RCSD1: variants seen among roughly 807,000 people sequenced by gnomAD.
RCSD1 encodes the protein RCSD domain containing 1, also known as capZ-interacting protein.
Under a neutral mutation model 42.5 loss-of-function variants are expected in RCSD1, and 26 were observed. The ratio of observed to expected loss-of-function variants is 0.61; its 90% CI spans 0.45 to 0.85. The LOEUF is 0.85. Ranked by LOEUF, RCSD1 falls within the 40% of genes least tolerant of loss-of-function variation. The probability of loss-of-function intolerance (pLI) is 0.00; values close to 1 mark genes in which losing one functional copy is unlikely to be tolerated. For synonymous variants in RCSD1, 220 were observed against 212.2 expected, an observed-to-expected ratio of 1.04 and a Z score of -0.32; for missense variants, 571 against 528.3, an observed-to-expected ratio of 1.08 and a Z score of -0.79.
chr1:167,682,291 TC>T (rs1428696929), intron 1 of RCSD1, among the ~76,000 whole-genome samples: 1 of 151,824 alleles, frequency 6.6e-6, no homozygotes, highest in African/African-American at 2.4e-5. Flanking sequence ...TGCCTCAGCC[TC>T]CCAAGTAACT....
At chr1:167,669,315 G>C (rs1658745773) in intron 1 of RCSD1, among the ~76,000 whole-genome samples, 1 of 152,214 alleles carries the variant, frequency 6.6e-6, no homozygotes, top group African/African-American at 2.4e-5. Context: ...CTAGCTTCCT[G>C]CTCTGCCATT....
At chr1:167,651,459 G>A (rs764809073) in intron 1 of RCSD1, among the ~76,000 whole-genome samples, 8 of 152,234 alleles carry the variant, frequency 5.3e-5, no homozygotes, top group South Asian at 2.1e-4. Context: ...TGCATTCTGC[G>A]CTGGCACTGT....
At chr1:167,694,819 A>C (rs1287729321) in intron 5 of RCSD1, among the ~76,000 whole-genome samples, 1 of 152,144 alleles carries the variant, frequency 6.6e-6, no homozygotes, top group Non-Finnish European at 1.5e-5. Flanking sequence ...TCCCTTTGCA[A>C]AAATGACATG....
intron 1 of RCSD1, among the ~76,000 whole-genome samples, chr1:167,631,775 A>G (rs1351133668): frequency 6.6e-6 from 1 of 152,178 alleles, no homozygotes; most frequent in Non-Finnish European, 1.5e-5. Flanking sequence ...CATGAGCCAC[A>G]CCACTCCTGG....
At chr1:167,701,316 C>CTTTCT (rs1659639184) in intron 6 of RCSD1, among the ~76,000 whole-genome samples, 1 of 130,864 alleles carries the variant, frequency 7.6e-6, no homozygotes, top group South Asian at 2.4e-4. Flanking sequence ...TTCTTTCTTT[C>CTTTCT]TTTTTTTTAG....
chr1:167,650,665 T>C (rs1206509730), intron 1 of RCSD1, among the ~76,000 whole-genome samples: 1 of 152,198 alleles, frequency 6.6e-6, no homozygotes, highest in Non-Finnish European at 1.5e-5. Flanking sequence ...GACTGCCCTC[T>C]CTCTGGTTAA....
intron 1 of RCSD1, among the ~76,000 whole-genome samples, chr1:167,661,796 G>A (rs1335372062): frequency 5.3e-5 from 8 of 152,250 alleles, no homozygotes; most frequent in African/African-American, 1.9e-4. Context: ...TTTGGTGGAG[G>A]ATAGTACAGA....
At chr1:167,653,926 G>A (rs1658365979) in intron 1 of RCSD1, among the ~76,000 whole-genome samples, 1 of 152,174 alleles carries the variant, frequency 6.6e-6, no homozygotes, top group South Asian at 2.1e-4. Flanking sequence ...GGAAGTCCCT[G>A]GTGGGAAGAG....
At chr1:167,682,089 T>C (rs1366410145) in intron 1 of RCSD1, among the ~76,000 whole-genome samples, 2 of 152,154 alleles carry the variant, frequency 1.3e-5, no homozygotes, top group Non-Finnish European at 2.9e-5. Flanking sequence ...AGTAAAGGGG[T>C]ACCTGTCTTT....
At chr1:167,636,267 G>C (rs1429626732) in intron 1 of RCSD1, among the ~76,000 whole-genome samples, 1 of 152,116 alleles carries the variant, frequency 6.6e-6, no homozygotes, top group Non-Finnish European at 1.5e-5. Flanking sequence ...AGAGGTGCAG[G>C]GCCCTTACCT....
intron 6 of RCSD1, among the ~76,000 whole-genome samples, chr1:167,701,942 C>T (rs1659654949): frequency 6.6e-6 from 1 of 152,214 alleles, no homozygotes; most frequent in Admixed American, 6.5e-5. Context: ...CTGGATCCCC[C>T]AGAGGCAGCA....
chr1:167,689,942 G>T, intron 3 of RCSD1, 107 bp from the exon 4 acceptor site: 2 of 1,043,928 alleles, frequency 1.9e-6, no homozygotes, highest in African/African-American at 3.2e-5. Context: ...TGAGAAAGTG[G>T]CAACACCAAC....
At chr1:167,633,404 G>A (rs1229396) in intron 1 of RCSD1, among the ~76,000 whole-genome samples, 116,360 of 152,126 alleles carry the variant, frequency 0.76, 45,010 homozygotes, top group East Asian at 0.84. Context: ...AGGTATAAGG[G>A]ATGGGCACAG....
At chr1:167,701,060 C>T (rs534927378) in intron 6 of RCSD1, among the ~76,000 whole-genome samples, 61 of 152,258 alleles carry the variant, frequency 4.0e-4, no homozygotes, top group Admixed American at 5.9e-4. Context: ...TTGCCACTTC[C>T]GTATTCCCAA....
chr1:167,704,287 GA>G (rs1262826207), intron 6 of RCSD1, among the ~76,000 whole-genome samples: 1 of 150,360 alleles, frequency 6.7e-6, no homozygotes, highest in African/African-American at 2.4e-5. Context: ...AAGAGGCCAA[GA>G]TAGAGGGAAC....
At chr1:167,694,511 C>G (rs1310815231) in intron 5 of RCSD1, among the ~76,000 whole-genome samples, 4 of 152,192 alleles carry the variant, frequency 2.6e-5, no homozygotes, top group Non-Finnish European at 5.9e-5. Context: ...ACTGGCTCAT[C>G]TCCCCTTGCT....
intron 1 of RCSD1, among the ~76,000 whole-genome samples, chr1:167,670,417 T>C (rs946413874): frequency 2.0e-5 from 3 of 150,952 alleles, no homozygotes; most frequent in Non-Finnish European, 2.9e-5. Context: ...AAGGTTGAGT[T>C]TGATCGGCAG....
chr1:167,697,033 A>C (rs1233253122), intron 5 of RCSD1, 66 bp from the exon 6 acceptor site: 2 of 1,481,080 alleles, frequency 1.4e-6, no homozygotes, highest in African/African-American at 2.8e-5. Flanking sequence ...TTGAAAGTGC[A>C]TACAGTCCTC....
At chr1:167,661,327 C>G (rs1658537318) in intron 1 of RCSD1, among the ~76,000 whole-genome samples, 1 of 152,212 alleles carries the variant, frequency 6.6e-6, no homozygotes, top group African/African-American at 2.4e-5. Flanking sequence ...CCACATCCTC[C>G]CCTGGTGGAG....
Sources: gnomAD v4.1 joint callset for allele counts (sites outside exome capture counted in the v4.1 genomes callset) on GRCh38, gnomAD v4.1.1 for gene constraint, MANE v1.5 for transcripts, NCBI Gene and HGNC (gene_info 2026-07-23, HGNC 2026-07-21) for gene names.